The following FARS2 variants were observed in gnomAD, a reference collection of about 807,000 sequenced individuals.
The protein encoded by FARS2 is phenylalanine--tRNA ligase, mitochondrial.
A neutral mutation model predicts 46.4 loss-of-function variants in FARS2; 40 were observed. The observed-to-expected ratio is 0.86, with a 90% CI of 0.67 to 1.12. The LOEUF is 1.12. Among genes scored for constraint, FARS2 ranks in the 50% most tolerant of loss-of-function variants. The pLI, the probability that FARS2 is intolerant of heterozygous loss-of-function variation, is 0.00. For missense variants in FARS2, 513 were observed against 567.9 expected (o/e 0.90, Z 0.98); for synonymous variants, 234 against 214.9 (o/e 1.09, Z -0.78).
rs1176694616 is a variant in FARS2 at position 5,369,216 on chromosome 6, T to C, written c.612+34T>C. On this transcript the variant is annotated intron_variant, in intron 2 of 6. Transcript: ENST00000274680. ...TGAGATGTTTCTCATCGCTGAAGGA[T>C]GTCATAGACATTTTATGTTGAGGTC... The C allele has an allele frequency of 1.9e-6, 3 of 1,585,922 alleles. No individual in the cohort carries two copies. In the African/African-American group the frequency reaches 4.0e-5, roughly 21 times the overall value.
intron 1 of FARS2, among the ~76,000 whole-genome samples, chr6:5,366,395 G>A (rs1758680262): frequency 6.6e-6 from 1 of 152,176 alleles, no homozygotes; most frequent in African/African-American, 2.4e-5. Flanking sequence ...TAGAAGGAAA[G>A]GAAGTCACTT....
chr6:5,268,068 A>C (rs1396946910), intron 1 of FARS2, among the ~76,000 whole-genome samples: 32 of 147,920 alleles, frequency 2.2e-4, no homozygotes, highest in Admixed American at 4.7e-4. Flanking sequence ...TTTTTCTTGT[A>C]AATTTGTTTA....
intron 4 of FARS2, among the ~76,000 whole-genome samples, chr6:5,439,943 C>T (rs1763748338): frequency 6.6e-6 from 1 of 152,134 alleles, no homozygotes; most frequent in South Asian, 2.1e-4. Flanking sequence ...AAATACACGT[C>T]AGCCTTATGT....
chr6:5,709,509 G>C lies in FARS2; in HGVS notation c.1218-61782G>C, dbSNP rs58839612. On this transcript the variant is annotated intron_variant, in intron 6 of 6. Transcript: ENST00000274680. ...TTTTCTTTGCACTCACCTTTGGAAAGTATTCTTTCCTTTAGTGTAAGGTTC... is the reference window on the plus strand; with the variant it reads ...TTTTCTTTGCACTCACCTTTGGAAACTATTCTTTCCTTTAGTGTAAGGTTC... 7.3e-3 allele frequency among the ~76,000 whole-genome samples: 1,114 copies of C among 152,244 alleles called. 18 individuals are homozygous for C. The highest frequency in any genetic ancestry group is 0.025 in the African/African-American group (1,045 of 41,546).
At chr6:5,347,652 T>C (rs767682067) in intron 1 of FARS2, among the ~76,000 whole-genome samples, 15 of 152,172 alleles carry the variant, frequency 9.9e-5, no homozygotes, top group Non-Finnish European at 1.9e-4. Flanking sequence ...TGAGTATTTT[T>C]TCTTGGTTAA....
chr6:5,737,999 G>A (rs1288313576), intron 6 of FARS2, among the ~76,000 whole-genome samples: 7 of 152,320 alleles, frequency 4.6e-5, no homozygotes, highest in East Asian at 1.9e-4. Flanking sequence ...CACCCACGCT[G>A]GAGTGCAGTG....
intron 1 of FARS2, among the ~76,000 whole-genome samples, chr6:5,315,585 C>T (rs1351065318): frequency 1.3e-5 from 2 of 152,066 alleles, no homozygotes; most frequent in Non-Finnish European, 2.9e-5. Context: ...CAAATCACAA[C>T]CTAAAAACCA....
intron 5 of FARS2, among the ~76,000 whole-genome samples, chr6:5,552,843 C>T (rs1771446575): frequency 6.6e-6 from 1 of 152,136 alleles, no homozygotes; most frequent in African/African-American, 2.4e-5. Context: ...ATGCTGTATT[C>T]GTTCTGAGTG....
rs1202293385 is a variant in FARS2, at chr6:5,739,652, A to C, written c.1218-31639A>C. On this transcript the variant is annotated intron_variant, in intron 6 of 6. Coordinates refer to ENST00000274680, the MANE Select transcript of FARS2 (RefSeq NM_006567.5). ...TAGCAGCGATCACTTTGCTTCTTAC[A>C]GCAAAATTCTGGAGTGTTAGAAAAT... is the stretch of plus-strand genomic sequence containing the variant. 2.0e-5 allele frequency among the ~76,000 whole-genome samples: 3 copies of C among 152,234 alleles called. No individual in the cohort carries two copies. In the East Asian group the frequency reaches 5.8e-4, roughly 29 times the overall value.
At chr6:5,545,756 A>G (rs1770940305) in intron 5 of FARS2, among the ~76,000 whole-genome samples, 2 of 152,178 alleles carry the variant, frequency 1.3e-5, no homozygotes, top group South Asian at 2.1e-4. Context: ...GATGGTTTCC[A>G]GCTTCATCCA....
intron 2 of FARS2, among the ~76,000 whole-genome samples, chr6:5,383,952 T>G (rs1466680799): frequency 6.6e-6 from 1 of 152,072 alleles, no homozygotes; most frequent in African/African-American, 2.4e-5. Flanking sequence ...TGCAATCTCT[T>G]TCTCTCTGTT....
chr6:5,767,466 G>A (rs1024196329), intron 6 of FARS2, among the ~76,000 whole-genome samples: 1 of 152,104 alleles, frequency 6.6e-6, no homozygotes, highest in African/African-American at 2.4e-5. Context: ...AATTCTCTAG[G>A]ATATATTCCT....
At chr6:5,741,284 C>G (rs186147423) in intron 6 of FARS2, among the ~76,000 whole-genome samples, 71 of 152,294 alleles carry the variant, frequency 4.7e-4, no homozygotes, top group Non-Finnish European at 7.5e-4. Context: ...AGAGAGTTAC[C>G]CTATGCTGAC....
intron 3 of FARS2, among the ~76,000 whole-genome samples, chr6:5,418,048 C>T (rs1762340464): frequency 6.6e-6 from 1 of 152,088 alleles, no homozygotes; most frequent in Non-Finnish European, 1.5e-5. Context: ...TCATTTGCTT[C>T]AGTTTGGATC....
At chr6:5,519,662 C>A (rs1769014006) in intron 4 of FARS2, among the ~76,000 whole-genome samples, 1 of 152,152 alleles carries the variant, frequency 6.6e-6, no homozygotes, top group Admixed American at 6.5e-5. Flanking sequence ...TATCCATTTT[C>A]TTAAACTACA....
At chr6:5,349,459 C>G (rs1027953625) in intron 1 of FARS2, among the ~76,000 whole-genome samples, 1 of 151,758 alleles carries the variant, frequency 6.6e-6, no homozygotes, top group Non-Finnish European at 1.5e-5. Flanking sequence ...GTTTTTTTTT[C>G]TTACAAACAT....
chr6:5,554,591 C>T (rs1771549787), intron 5 of FARS2, among the ~76,000 whole-genome samples: 1 of 152,190 alleles, frequency 6.6e-6, no homozygotes, highest in South Asian at 2.1e-4. Context: ...TTCACCTGTA[C>T]ATTAATTTGT....
intron 3 of FARS2, among the ~76,000 whole-genome samples, chr6:5,418,873 T>TA (rs1762389329): frequency 1.4e-5 from 2 of 142,434 alleles, no homozygotes; most frequent in Non-Finnish European, 3.1e-5. Flanking sequence ...ATATTTGTCT[T>TA]TTTATTATTA....
intron 4 of FARS2, among the ~76,000 whole-genome samples, chr6:5,489,571 G>C (rs1182838384): frequency 6.6e-6 from 1 of 152,196 alleles, no homozygotes; most frequent in Non-Finnish European, 1.5e-5. Flanking sequence ...TCTCCAGTCA[G>C]TTGACAAATT....
Sources: allele counts gnomAD v4.1 joint callset (sites outside exome capture counted in the v4.1 genomes callset), GRCh38; gene constraint gnomAD v4.1.1; transcripts MANE v1.5; gene names NCBI Gene and HGNC (gene_info 2026-07-23, HGNC 2026-07-21).